APP: variants seen among roughly 807,000 people sequenced by gnomAD.
APP encodes the protein amyloid beta precursor protein, also known as amyloid-beta precursor protein.
APP carries 31 observed loss-of-function variants against 101.4 expected under a neutral mutation model. The ratio of observed to expected loss-of-function variants is 0.31; its 90% CI spans 0.23 to 0.41. The LOEUF is 0.41. Ranked by LOEUF, APP falls within the 10% of genes least tolerant of loss-of-function variation. APP has a pLI of 1.00. For missense variants in APP, 839 were observed against 1,003.7 expected (o/e 0.84, Z 2.22); for synonymous variants, 366 against 364.4 (o/e 1.00, Z -0.05).
At chr21:26,093,517 C>A (rs576280107) in intron 2 of APP, among the ~76,000 whole-genome samples, 1 of 152,146 alleles carries the variant, frequency 6.6e-6, no homozygotes, top group Non-Finnish European at 1.5e-5. Flanking sequence ...ATCTCTTTTT[C>A]ATGTTGGTTG....
At chr21:26,116,937 A>G (rs1294603790) in intron 1 of APP, among the ~76,000 whole-genome samples, 1 of 152,130 alleles carries the variant, frequency 6.6e-6, no homozygotes, top group African/African-American at 2.4e-5. Flanking sequence ...ACTAGAGTGC[A>G]GTGGCATGAT....
intron 3 of APP, among the ~76,000 whole-genome samples, chr21:26,069,062 A>T (rs2046572064): frequency 6.6e-6 from 1 of 152,220 alleles, no homozygotes; most frequent in South Asian, 2.1e-4. Flanking sequence ...CAGAACTAAC[A>T]CTGAACATTG....
chr21:26,087,397 C>T (rs978582588), intron 3 of APP, among the ~76,000 whole-genome samples: 1 of 152,178 alleles, frequency 6.6e-6, no homozygotes, highest in Non-Finnish European at 1.5e-5. Flanking sequence ...ATTATCTAGT[C>T]CCATAGTAGT....
At chr21:26,042,064 C>A (rs2045395976) in intron 5 of APP, among the ~76,000 whole-genome samples, 1 of 152,154 alleles carries the variant, frequency 6.6e-6, no homozygotes, top group Non-Finnish European at 1.5e-5. Flanking sequence ...CATCCACTGG[C>A]AAAGATTTAA....
intron 1 of APP, among the ~76,000 whole-genome samples, chr21:26,120,248 G>A (rs1160225283): frequency 6.6e-6 from 1 of 152,176 alleles, no homozygotes; most frequent in African/African-American, 2.4e-5. Context: ...GGCATAGATT[G>A]TTTCAGAAGG....
intron 11 of APP, among the ~76,000 whole-genome samples, chr21:25,967,024 G>A (rs1412703445): frequency 6.6e-6 from 1 of 152,126 alleles, no homozygotes; most frequent in East Asian, 1.9e-4. Flanking sequence ...ATAGCCTTGA[G>A]CAAAATCTCA....
chr21:26,117,506 G>C (rs1185756632), intron 1 of APP, among the ~76,000 whole-genome samples: 1 of 152,188 alleles, frequency 6.6e-6, no homozygotes, highest in Non-Finnish European at 1.5e-5. Context: ...AATCACAAAA[G>C]TGGACCATAA....
At chr21:25,987,325 C>G (rs3787634) in intron 8 of APP, among the ~76,000 whole-genome samples, 1 of 152,138 alleles carries the variant, frequency 6.6e-6, no homozygotes, top group Non-Finnish European at 1.5e-5. Context: ...TATGTTCCCC[C>G]CTCCACAAAA....
At chr21:26,004,258 G>C (rs1320508675) in intron 6 of APP, among the ~76,000 whole-genome samples, 1 of 150,272 alleles carries the variant, frequency 6.7e-6, no homozygotes, top group Admixed American at 6.7e-5. Context: ...ACTATGCAGG[G>C]TCTCTTTGTA....
chr21:25,881,054 C>A lies in APP; in HGVS notation c.*616G>T, dbSNP rs2146190621. ...GAAGTCTCAATGCCTAATGTGTGCA[C>A]ATAAAACAGGCACGAAGAAACAAAC... On this transcript the variant is annotated 3_prime_UTR_variant, in exon 18 of 18. Coordinates refer to ENST00000346798, the MANE Select transcript of APP (RefSeq NM_000484.4). The A allele has an allele frequency of 6.5e-6, 1 of 154,360 alleles. No individual in the cohort carries two copies. The highest frequency in any genetic ancestry group is 2.0e-4 in the South Asian group (1 of 5,006). The allele number at this position is 154,360 out of a possible 1,614,324, so 9.6% of individuals were successfully genotyped here. A position where few individuals can be genotyped will look rare whatever the true frequency, so the allele number is the denominator to read the frequency against.
intron 11 of APP, 86 bp from the exon 12 acceptor site, chr21:25,955,841 T>C (rs1036904399): frequency 1.9e-6 from 3 of 1,589,094 alleles, no homozygotes; most frequent in African/African-American, 2.7e-5. Context: ...GTTCCACTAA[T>C]GCATCCGGTC....
At chr21:26,016,198 T>C (rs1349816298) in intron 6 of APP, among the ~76,000 whole-genome samples, 1 of 152,122 alleles carries the variant, frequency 6.6e-6, no homozygotes, top group African/African-American at 2.4e-5. Flanking sequence ...GCCTAGCTAA[T>C]TTTTTTGTAT....
chr21:26,108,614 CG>C (rs10710344), intron 2 of APP, among the ~76,000 whole-genome samples: 152,318 of 152,324 alleles, frequency 1, 76,156 homozygotes, highest in Middle Eastern at 1. Context: ...AGGCCGGGTG[CG>C]GGTGGCTCAC....
chr21:25,998,417 G>T (rs2043140770), intron 7 of APP, among the ~76,000 whole-genome samples: 1 of 150,536 alleles, frequency 6.6e-6, no homozygotes, highest in African/African-American at 2.5e-5. Flanking sequence ...AGCCCTTGAG[G>T]TTATCAGTTC....
intron 17 of APP, among the ~76,000 whole-genome samples, chr21:25,889,807 ACTG>A (rs914271614): frequency 1.3e-5 from 2 of 152,130 alleles, no homozygotes; most frequent in Non-Finnish European, 2.9e-5. Context: ...AGATCATGCC[ACTG>A]CACTCCAGCC....
At chr21:25,980,192 G>A (rs954671417) in intron 9 of APP, among the ~76,000 whole-genome samples, 3 of 152,216 alleles carry the variant, frequency 2.0e-5, no homozygotes, top group Non-Finnish European at 4.4e-5. Flanking sequence ...GAAGGAAGAG[G>A]TGGTAGGAAG....
intron 11 of APP, among the ~76,000 whole-genome samples, chr21:25,961,324 C>A (rs370201149): frequency 1.2e-3 from 180 of 152,336 alleles, no homozygotes; most frequent in African/African-American, 4.1e-3. Flanking sequence ...TGTGCCCCAA[C>A]CACTTTGGGC....
intron 5 of APP, among the ~76,000 whole-genome samples, chr21:26,034,392 C>A (rs146183529): frequency 0.019 from 2,965 of 152,080 alleles, 83 homozygotes; most frequent in African/African-American, 0.068. Context: ...GGCCTGTAAT[C>A]CCAGCACTCT....
chr21:26,105,227 A>C (rs2062155980), intron 2 of APP, among the ~76,000 whole-genome samples: 2 of 152,172 alleles, frequency 1.3e-5, no homozygotes, highest in Admixed American at 1.3e-4. Flanking sequence ...CAACAATAAG[A>C]ATGATTAAGA....
Sources: allele counts gnomAD v4.1 joint callset (sites outside exome capture counted in the v4.1 genomes callset), GRCh38; gene constraint gnomAD v4.1.1; transcripts MANE v1.5; gene names NCBI Gene and HGNC (gene_info 2026-07-23, HGNC 2026-07-21).